The following ITPR1 variants were observed in gnomAD, a reference collection of about 807,000 sequenced individuals.
ITPR1 encodes inositol 1,4,5-trisphosphate-gated calcium channel ITPR1.
In ITPR1, 96 loss-of-function variants were observed where a neutral mutation model predicts 318.4. That is an observed-to-expected ratio of 0.30 (90% CI 0.26 to 0.36). The LOEUF is 0.36. Among genes scored for constraint, ITPR1 ranks in the 10% least tolerant of loss-of-function variants. ITPR1 has a pLI of 1.00. For missense variants in ITPR1, 2,440 were observed against 3,460.2 expected, an observed-to-expected ratio of 0.71 and a Z score of 7.40; for synonymous variants, 1,312 against 1,289.9, an observed-to-expected ratio of 1.02 and a Z score of -0.37.
chr3:4,734,075 C>A (rs751305723), intron 43 of ITPR1, among the ~76,000 whole-genome samples: 2 of 152,306 alleles, frequency 1.3e-5, no homozygotes, highest in South Asian at 4.1e-4. Context: ...AAGGAGGAAG[C>A]CTGGACTTCT....
At chr3:4,715,343 C>G (rs2041688957) in intron 39 of ITPR1, among the ~76,000 whole-genome samples, 1 of 152,204 alleles carries the variant, frequency 6.6e-6, no homozygotes, top group South Asian at 2.1e-4. Flanking sequence ...CTAAATGTAT[C>G]AAAACTTAAA....
intron 17 of ITPR1, among the ~76,000 whole-genome samples, chr3:4,666,124 T>C (rs989499137): frequency 6.6e-6 from 1 of 152,202 alleles, no homozygotes; most frequent in Non-Finnish European, 1.5e-5. Context: ...ACCGTAGGCA[T>C]GCAAAATGAT....
chr3:4,638,226 A>G (rs1483386419), intron 5 of ITPR1, among the ~76,000 whole-genome samples: 2 of 152,092 alleles, frequency 1.3e-5, no homozygotes, highest in Non-Finnish European at 2.9e-5. Flanking sequence ...TGCCTTCGAA[A>G]CCCTTCTGAA....
In ITPR1 at chr3:4,670,819, G is replaced by A; in HGVS notation, c.2097G>A (p.Leu699=). 6.2e-7 allele frequency: 1 copy of A among 1,610,660 alleles called. No individual in the cohort carries two copies. Among genetic ancestry groups the A allele is most frequent in the Non-Finnish European group, 8.5e-7 (1 of 1,178,472 alleles). Residue 699 remains leucine, a synonymous_variant, in exon 20 of 62, where the codon CTG becomes CTA. Coordinates refer to ENST00000649015, the MANE Select transcript of ITPR1 (RefSeq NM_001378452.1). ...EAGEDEEEVW[L]FWRDSNKEIR... is the part of the protein sequence containing the mutation. The stretch of plus-strand genomic sequence containing the variant: ...GAGAAGACGAGGAAGAGGTGTGGCT[G>A]TTTTGGAGGGACAGCAACAAAGAGA...
At chr3:4,666,238 T>C (rs181790466) in intron 17 of ITPR1, among the ~76,000 whole-genome samples, 3 of 152,326 alleles carry the variant, frequency 2.0e-5, no homozygotes, top group South Asian at 2.1e-4. Context: ...TACTGGACTT[T>C]TAGAGTTTTT....
chr3:4,675,241 G>A lies in ITPR1; in HGVS notation c.2772G>A (p.Lys924=), dbSNP rs776355269. Residue 924 remains lysine (K), a synonymous_variant, in exon 23 of 62, where the codon AAG becomes AAA. Coordinates refer to ENST00000649015, the MANE Select transcript of ITPR1 (RefSeq NM_001378452.1). The part of the protein sequence containing the change: ...EENKGNNDVE[K]LKSSNVMRSI... ...ATAAAGGTAACAATGATGTGGAGAA[G>A]CTGAAGAGTGAGTATCTGAGGGTGC... 5 of 1,607,860 alleles carry A rather than the reference G, an allele frequency of 3.1e-6. No individual in the cohort carries two copies. The highest frequency in any genetic ancestry group is 4.2e-6 in the Non-Finnish European group (5 of 1,177,932).
intron 4 of ITPR1, among the ~76,000 whole-genome samples, chr3:4,532,157 A>G (rs978245355): frequency 6.6e-6 from 1 of 152,184 alleles, no homozygotes; most frequent in African/African-American, 2.4e-5. Context: ...CTGTGAGGAC[A>G]GAAACCATGC....
chr3:4,643,832 C>A (rs7652864), intron 7 of ITPR1, among the ~76,000 whole-genome samples: 1 of 151,888 alleles, frequency 6.6e-6, no homozygotes, highest in African/African-American at 2.4e-5. Flanking sequence ...TTAAAACTTA[C>A]TTATATAGGT....
chr3:4,665,553 T>C (rs1446338415), intron 17 of ITPR1, among the ~76,000 whole-genome samples: 1 of 152,232 alleles, frequency 6.6e-6, no homozygotes, highest in African/African-American at 2.4e-5. Context: ...TTTACATTTA[T>C]AGAATTTTTT....
chr3:4,621,755 A>G (rs2092643347), intron 4 of ITPR1, among the ~76,000 whole-genome samples: 1 of 152,064 alleles, frequency 6.6e-6, no homozygotes, highest in South Asian at 2.1e-4. Flanking sequence ...TTTCTACTCA[A>G]TCTGTCAGTT....
At chr3:4,760,012 A>T (rs1466342255) in intron 44 of ITPR1, among the ~76,000 whole-genome samples, 1 of 152,172 alleles carries the variant, frequency 6.6e-6, no homozygotes, top group Non-Finnish European at 1.5e-5. Flanking sequence ...GGTGCTGAGG[A>T]TCTGCCCGCA....
At chr3:4,573,353 A>G (rs542969667) in intron 4 of ITPR1, among the ~76,000 whole-genome samples, 5 of 152,020 alleles carry the variant, frequency 3.3e-5, no homozygotes, top group African/African-American at 7.3e-5. Context: ...CTTCCCATCT[A>G]TCACTGTCAC....
At chr3:4,577,846 AG>A (rs2088848182) in intron 4 of ITPR1, among the ~76,000 whole-genome samples, 1 of 152,250 alleles carries the variant, frequency 6.6e-6, no homozygotes, top group African/African-American at 2.4e-5. Flanking sequence ...AAATGAGGCT[AG>A]GGCTGTCTAG....
intron 54 of ITPR1, among the ~76,000 whole-genome samples, chr3:4,803,062 G>C (rs1464522117): frequency 1.3e-5 from 2 of 152,324 alleles, no homozygotes; most frequent in Admixed American, 1.3e-4. Context: ...ATCTGCTTCT[G>C]GGGAGGCCTC....
intron 46 of ITPR1, among the ~76,000 whole-genome samples, chr3:4,773,573 C>T (rs2046316544): frequency 6.6e-6 from 1 of 152,084 alleles, no homozygotes; most frequent in Admixed American, 6.5e-5. Flanking sequence ...GGAGCAGTAA[C>T]AGAAGTTTGA....
chr3:4,677,759 T>C (rs1266438422), intron 24 of ITPR1, among the ~76,000 whole-genome samples: 2 of 152,114 alleles, frequency 1.3e-5, no homozygotes, highest in African/African-American at 4.8e-5. Flanking sequence ...CAAGCTTGTA[T>C]GGTGAATAGG....
intron 44 of ITPR1, among the ~76,000 whole-genome samples, chr3:4,754,790 C>T (rs2044827187): frequency 6.6e-6 from 1 of 152,212 alleles, no homozygotes; most frequent in South Asian, 2.1e-4. Context: ...CTACCACAGT[C>T]CCCTTCCACT....
intron 25 of ITPR1, 82 bp downstream of exon 25, chr3:4,680,773 GA>G (rs1453211138): frequency 1.6e-6 from 2 of 1,235,834 alleles, no homozygotes; most frequent in Non-Finnish European, 1.1e-6. Flanking sequence ...GTATCTTCTA[GA>G]AAAAGGGTGA....
At chr3:4,614,117 T>C (rs1382274040) in intron 4 of ITPR1, among the ~76,000 whole-genome samples, 1 of 152,162 alleles carries the variant, frequency 6.6e-6, no homozygotes, top group Non-Finnish European at 1.5e-5. Flanking sequence ...TACAAAAAAA[T>C]TAGCCAGGCG....
Sources: gnomAD v4.1 joint callset for allele counts (sites outside exome capture counted in the v4.1 genomes callset) on GRCh38, gnomAD v4.1.1 for gene constraint, MANE v1.5 for transcripts, NCBI Gene and HGNC (gene_info 2026-07-23, HGNC 2026-07-21) for gene names.